Variants in JMJD1C observed in about 807,000 individuals in gnomAD.
JMJD1C encodes jumonji domain-containing protein 1C.
A neutral mutation model predicts 245.3 loss-of-function variants in JMJD1C; 31 were observed. That is an observed-to-expected ratio of 0.13 (90% CI 0.09 to 0.17). The LOEUF is 0.17. JMJD1C is among the 10% of genes least tolerant of loss of function. The pLI is 1.00. For synonymous variants in JMJD1C, 1,057 were observed against 1,017.4 expected, an observed-to-expected ratio of 1.04 and a Z score of -0.74; for missense variants, 2,691 against 3,000.2, an observed-to-expected ratio of 0.90 and a Z score of 2.41.
chr10:63,249,776 C>T (rs1009375373), intron 3 of JMJD1C, among the ~76,000 whole-genome samples: 40 of 151,846 alleles, frequency 2.6e-4, no homozygotes, highest in Non-Finnish European at 1.2e-4. Context: ...AGGAGAATCG[C>T]TTTAATCCGG....
At chr10:63,325,126 G>C (rs1251977064) in intron 2 of JMJD1C, among the ~76,000 whole-genome samples, 2 of 152,154 alleles carry the variant, frequency 1.3e-5, no homozygotes, top group Non-Finnish European at 2.9e-5. Flanking sequence ...CATAGCTACT[G>C]ATATATAAAC....
At chr10:63,503,040 C>G (rs1954609665) in intron 1 of JMJD1C, among the ~76,000 whole-genome samples, 1 of 152,168 alleles carries the variant, frequency 6.6e-6, no homozygotes, top group African/African-American at 2.4e-5. Flanking sequence ...GATGGGGAAA[C>G]TGAGTCTTAA....
chr10:63,252,800 G>A (rs1207779163), intron 3 of JMJD1C, among the ~76,000 whole-genome samples: 1 of 152,146 alleles, frequency 6.6e-6, no homozygotes, highest in African/African-American at 2.4e-5. Context: ...TATGCATACA[G>A]CTCTATTTCA....
chr10:63,503,116 AG>A (rs1176048402), intron 1 of JMJD1C, among the ~76,000 whole-genome samples: 1 of 152,226 alleles, frequency 6.6e-6, no homozygotes, highest in East Asian at 1.9e-4. Flanking sequence ...TTAAAGACAA[AG>A]GGCCTGAGAA....
At chr10:63,341,644 A>C (rs1246569954) in intron 2 of JMJD1C, among the ~76,000 whole-genome samples, 1 of 152,228 alleles carries the variant, frequency 6.6e-6, no homozygotes, top group Non-Finnish European at 1.5e-5. Flanking sequence ...GCTGGACAGA[A>C]TGATGACTGC....
intron 4 of JMJD1C, among the ~76,000 whole-genome samples, chr10:63,219,364 AC>A (rs1244829465): frequency 6.6e-6 from 1 of 152,210 alleles, no homozygotes; most frequent in African/African-American, 2.4e-5. Context: ...TATTTACAAT[AC>A]ATGATTTTAC....
chr10:63,343,365 T>C (rs1374437703), intron 2 of JMJD1C, among the ~76,000 whole-genome samples: 4 of 137,896 alleles, frequency 2.9e-5, no homozygotes, highest in African/African-American at 1.1e-4. Flanking sequence ...AAACTCCATC[T>C]CAAAAAAAAA....
At chr10:63,438,066 C>CCT (rs1951158226) in intron 1 of JMJD1C, among the ~76,000 whole-genome samples, 1 of 152,126 alleles carries the variant, frequency 6.6e-6, no homozygotes, top group Admixed American at 6.6e-5. Flanking sequence ...CCAGCCTAGA[C>CCT]CTCTCCCTTT....
At chr10:63,324,785 G>C (rs1237017686) in intron 2 of JMJD1C, among the ~76,000 whole-genome samples, 1 of 152,168 alleles carries the variant, frequency 6.6e-6, no homozygotes. Flanking sequence ...AGGTTCCAGG[G>C]TGGTGGTTTA....
chr10:63,437,694 G>A (rs1951134776), intron 1 of JMJD1C, among the ~76,000 whole-genome samples: 1 of 152,062 alleles, frequency 6.6e-6, no homozygotes, highest in African/African-American at 2.4e-5. Context: ...ACTACCTCCA[G>A]TTCTCTAGTA....
At chr10:63,413,312 GTTATTACTCTC>G (rs1415818213) in intron 1 of JMJD1C, among the ~76,000 whole-genome samples, 4 of 152,008 alleles carry the variant, frequency 2.6e-5, no homozygotes, top group African/African-American at 9.7e-5. Context: ...ATCAAAAGAG[GTTATTACTCTC>G]TTTATGTTTT....
chr10:63,334,664 C>A (rs1446859325), intron 2 of JMJD1C, among the ~76,000 whole-genome samples: 2 of 151,520 alleles, frequency 1.3e-5, no homozygotes, highest in Non-Finnish European at 2.9e-5. Context: ...GAGGTTGCAG[C>A]GAGCTGAGAT....
intron 3 of JMJD1C, among the ~76,000 whole-genome samples, chr10:63,253,038 T>G (rs1223052860): frequency 6.6e-6 from 1 of 152,212 alleles, no homozygotes; most frequent in Non-Finnish European, 1.5e-5. Context: ...GGAGTTATAC[T>G]CAAGACATTG....
intron 1 of JMJD1C, among the ~76,000 whole-genome samples, chr10:63,402,482 A>G (rs1948927801): frequency 6.6e-6 from 1 of 152,190 alleles, no homozygotes; most frequent in Admixed American, 6.5e-5. Flanking sequence ...GTTTTTAGGA[A>G]TATCATAATG....
At chr10:63,344,023 T>TA (rs1458481838) in intron 2 of JMJD1C, among the ~76,000 whole-genome samples, 1 of 152,052 alleles carries the variant, frequency 6.6e-6, no homozygotes, top group African/African-American at 2.4e-5. Context: ...GGGCAGCAGA[T>TA]AGAGACCCTG....
intron 1 of JMJD1C, among the ~76,000 whole-genome samples, chr10:63,452,209 A>G (rs1056020976): frequency 1.6e-4 from 24 of 152,360 alleles, no homozygotes; most frequent in East Asian, 5.8e-4. Context: ...AGGTACTAAT[A>G]ACCAGAATAT....
intron 2 of JMJD1C, among the ~76,000 whole-genome samples, chr10:63,341,366 G>A (rs1943362871): frequency 6.6e-6 from 1 of 152,200 alleles, no homozygotes; most frequent in Non-Finnish European, 1.5e-5. Context: ...TGGCGTTACT[G>A]CCCTAGAAAG....
Position 63,200,665 on chromosome 10 carries a change from C to T in JMJD1C, c.5087G>A (p.Arg1696His), listed in dbSNP as rs1845908484. ...TTTACGCCAATCTTTCAATACTGAA[C>T]GAGGAATGCCAGCTGTAAAATCAGT... ...LQSNSNTGIP[R>H]SVLKDWRKVK... is the part of the protein sequence containing the mutation. Residue 1696 changes from arginine (R) to histidine (H), a missense_variant, in exon 11 of 26, where the codon CGT (arginine) becomes CAT (histidine). Arg to His is a conservative substitution (Grantham distance 29, BLOSUM62 0). Coordinates refer to ENST00000399262, the MANE Select transcript of JMJD1C (RefSeq NM_032776.3). The T allele has an allele frequency of 6.2e-7, 1 of 1,613,784 alleles. No individual in the cohort carries two copies. Among genetic ancestry groups the T allele is most frequent in the Admixed American group, 1.7e-5 (1 of 60,010 alleles).
chr10:63,310,181 C>G (rs987526818), intron 2 of JMJD1C, among the ~76,000 whole-genome samples: 2 of 152,162 alleles, frequency 1.3e-5, no homozygotes, highest in African/African-American at 4.8e-5. Flanking sequence ...GACATAAATA[C>G]TATATTCATG....
Sources: allele counts gnomAD v4.1 joint callset (sites outside exome capture counted in the v4.1 genomes callset), GRCh38; gene constraint gnomAD v4.1.1; transcripts MANE v1.5; gene names NCBI Gene and HGNC (gene_info 2026-07-23, HGNC 2026-07-21).